Variants in MRPL48 observed in about 807,000 individuals in gnomAD.
MRPL48 encodes the protein mitochondrial ribosomal protein L48, also known as large ribosomal subunit protein mL48.
A neutral mutation model predicts 32.9 loss-of-function variants in MRPL48; 16 were observed. The ratio of observed to expected loss-of-function variants is 0.49; its 90% CI spans 0.33 to 0.74. The LOEUF (loss-of-function observed/expected upper bound fraction) is 0.74, where lower values mean the gene tolerates loss of function less well. MRPL48 is among the 30% of genes least tolerant of loss of function. MRPL48 has a pLI of 0.02. For synonymous variants in MRPL48, 94 were observed against 89.2 expected, an observed-to-expected ratio of 1.05 and a Z score of -0.31; for missense variants, 206 against 245.3, an observed-to-expected ratio of 0.84 and a Z score of 1.07.
At chr11:73,820,522 C>A (rs1947759521) in intron 3 of MRPL48, among the ~76,000 whole-genome samples, 1 of 152,140 alleles carries the variant, frequency 6.6e-6, no homozygotes, top group South Asian at 2.1e-4. Flanking sequence ...CTTGCCCAGC[C>A]CACTCTCATC....
chr11:73,812,236 G>A (rs1947579318), intron 3 of MRPL48, among the ~76,000 whole-genome samples: 1 of 152,036 alleles, frequency 6.6e-6, no homozygotes, highest in African/African-American at 2.4e-5. Flanking sequence ...GCAATTTCTT[G>A]TGTATCTTTC....
chr11:73,853,069 G>T (rs2135072915), intron 5 of MRPL48, among the ~76,000 whole-genome samples: 1 of 152,274 alleles, frequency 6.6e-6, no homozygotes, highest in Middle Eastern at 3.4e-3. Flanking sequence ...CAGAGATAGA[G>T]AGTAGTCTGA....
At chr11:73,835,618 G>A (rs1169896888) in intron 4 of MRPL48, among the ~76,000 whole-genome samples, 2 of 152,110 alleles carry the variant, frequency 1.3e-5, no homozygotes, top group African/African-American at 4.8e-5. Context: ...GCCATTTATG[G>A]CAGAGCACAG....
chr11:73,819,735 C>T (rs1040982207), intron 3 of MRPL48, among the ~76,000 whole-genome samples: 1 of 151,930 alleles, frequency 6.6e-6, no homozygotes, highest in African/African-American at 2.4e-5. Context: ...TGTGGTGGCA[C>T]GCACCTGGGA....
At chr11:73,791,597 T>C (rs1320367236) in intron 1 of MRPL48, among the ~76,000 whole-genome samples, 1 of 151,954 alleles carries the variant, frequency 6.6e-6, no homozygotes, top group Non-Finnish European at 1.5e-5. Flanking sequence ...TTTGTATTTT[T>C]TTGTAGAGAT....
At chr11:73,810,999 A>G (rs1382183864) in intron 3 of MRPL48, among the ~76,000 whole-genome samples, 1 of 152,168 alleles carries the variant, frequency 6.6e-6, no homozygotes, top group Non-Finnish European at 1.5e-5. Flanking sequence ...AAAGGTGGAG[A>G]AGAGACCCAG....
chr11:73,825,510 AC>A (rs1947870396), intron 3 of MRPL48, among the ~76,000 whole-genome samples, 197 bp from the exon 4 acceptor site: 1 of 151,220 alleles, frequency 6.6e-6, no homozygotes, highest in Non-Finnish European at 1.5e-5. Flanking sequence ...TGCCTGTAGT[AC>A]TAGCTACTTG....
At chr11:73,803,493 T>G (rs1301775004) in intron 1 of MRPL48, among the ~76,000 whole-genome samples, 1 of 152,170 alleles carries the variant, frequency 6.6e-6, no homozygotes, top group East Asian at 1.9e-4. Flanking sequence ...GTGTCCATAC[T>G]TTATTCAGAT....
At chr11:73,823,654 G>GTTTTTTTT (rs57616234) in intron 3 of MRPL48, among the ~76,000 whole-genome samples, 33 of 105,656 alleles carry the variant, frequency 3.1e-4, no homozygotes, top group Non-Finnish European at 3.7e-4. Context: ...TTTCTTTTCT[G>GTTTTTTTT]TTTTTTTTTT....
intron 3 of MRPL48, among the ~76,000 whole-genome samples, chr11:73,817,509 A>G (rs920718276): frequency 1.3e-5 from 2 of 152,208 alleles, no homozygotes; most frequent in Non-Finnish European, 2.9e-5. Flanking sequence ...AACATCGAGT[A>G]TTATTTTTAA....
chr11:73,825,282 A>G (rs1320356990), intron 3 of MRPL48, among the ~76,000 whole-genome samples: 2 of 97,344 alleles, frequency 2.1e-5, no homozygotes, highest in African/African-American at 4.1e-5. Context: ...TGTTTTTTAT[A>G]TATGTGTGTG....
At chr11:73,828,541 C>T (rs929187881) in intron 4 of MRPL48, among the ~76,000 whole-genome samples, 3 of 152,072 alleles carry the variant, frequency 2.0e-5, no homozygotes, top group Non-Finnish European at 4.4e-5. Context: ...AATAATTTTA[C>T]AAAATGGATG....
intron 3 of MRPL48, among the ~76,000 whole-genome samples, chr11:73,812,578 G>A (rs1386456398): frequency 6.6e-6 from 1 of 151,854 alleles, no homozygotes; most frequent in Non-Finnish European, 1.5e-5. Context: ...GCATGAACTT[G>A]TAGTCCCAGC....
At chr11:73,788,634 G>A (rs1590919809) in intron 1 of MRPL48, among the ~76,000 whole-genome samples, 1 of 151,620 alleles carries the variant, frequency 6.6e-6, no homozygotes, top group African/African-American at 2.4e-5. Context: ...ACACCATGCC[G>A]GGCTAATTTT....
chr11:73,848,928 T>C (rs2135063109), intron 5 of MRPL48, among the ~76,000 whole-genome samples: 2 of 152,154 alleles, frequency 1.3e-5, no homozygotes, highest in South Asian at 4.1e-4. Context: ...CAAGTGATTC[T>C]CCTGCCTCAG....
chr11:73,801,415 A>C (rs919455789), intron 1 of MRPL48, among the ~76,000 whole-genome samples: 3 of 151,508 alleles, frequency 2.0e-5, no homozygotes, highest in Non-Finnish European at 2.9e-5. Flanking sequence ...CCAGTTTCCT[A>C]CTCTGTCTTT....
intron 3 of MRPL48, among the ~76,000 whole-genome samples, chr11:73,813,830 A>G (rs1947610948): frequency 6.6e-6 from 1 of 151,744 alleles, no homozygotes; most frequent in South Asian, 2.1e-4. Context: ...TCACAAAGTC[A>G]GGAGATCAAG....
intron 3 of MRPL48, among the ~76,000 whole-genome samples, chr11:73,812,323 G>A (rs764972579): frequency 7.2e-5 from 11 of 151,974 alleles, no homozygotes; most frequent in Non-Finnish European, 1.2e-4. Flanking sequence ...CATTTAGGTC[G>A]TTTTTAGTTT....
At chr11:73,806,694 A>T (rs911986168) in intron 2 of MRPL48, among the ~76,000 whole-genome samples, 1 of 152,188 alleles carries the variant, frequency 6.6e-6, no homozygotes, top group African/African-American at 2.4e-5. Context: ...ATTGACCTTC[A>T]TAGTGACCTG....
Sources: gnomAD v4.1 joint callset for allele counts (sites outside exome capture counted in the v4.1 genomes callset) on GRCh38, gnomAD v4.1.1 for gene constraint, MANE v1.5 for transcripts, NCBI Gene and HGNC (gene_info 2026-07-23, HGNC 2026-07-21) for gene names.